LRP1B: variants seen among roughly 807,000 people sequenced by gnomAD.
LRP1B encodes low-density lipoprotein receptor-related protein 1B.
Under a neutral mutation model 556.6 loss-of-function variants are expected in LRP1B, and 217 were observed. That is an observed-to-expected ratio of 0.39 (90% CI 0.35 to 0.44). The LOEUF (loss-of-function observed/expected upper bound fraction) is 0.44, where lower values mean the gene tolerates loss of function less well. LRP1B is among the 20% of genes least tolerant of loss of function. The pLI is 1.00. For missense variants in LRP1B, 5,053 were observed against 5,620.8 expected, an observed-to-expected ratio of 0.90 and a Z score of 3.23; for synonymous variants, 2,047 against 1,865.8, an observed-to-expected ratio of 1.10 and a Z score of -2.50.
chr2:140,790,263 CT>C (rs1229450240), intron 32 of LRP1B, among the ~76,000 whole-genome samples: 2 of 151,956 alleles, frequency 1.3e-5, no homozygotes, highest in Admixed American at 6.6e-5. Flanking sequence ...AAATTCTGGT[CT>C]GGAAAAAATT....
intron 2 of LRP1B, among the ~76,000 whole-genome samples, chr2:141,592,234 C>T (rs1388710215): frequency 6.6e-6 from 1 of 152,128 alleles, no homozygotes; most frequent in Non-Finnish European, 1.5e-5. Flanking sequence ...TCTGTTCAGG[C>T]TGCTAGAACA....
intron 7 of LRP1B, among the ~76,000 whole-genome samples, chr2:141,162,553 A>G (rs994822712): frequency 6.6e-6 from 1 of 152,072 alleles, no homozygotes; most frequent in African/African-American, 2.4e-5. Context: ...AGTGTATCAT[A>G]TCTTCTTCCA....
intron 1 of LRP1B, among the ~76,000 whole-genome samples, chr2:141,905,765 A>ATGTGTGTGTGTGTGTGTGTGTGTG (rs56309590): frequency 1.0e-5 from 1 of 100,194 alleles, no homozygotes; most frequent in Non-Finnish European, 2.2e-5. Context: ...GTTTGAATAG[A>ATGTGTGTGTGTGTGTGTGTGTGTG]TGTGTGTGTG....
At chr2:141,898,495 T>A (rs969261789) in intron 1 of LRP1B, among the ~76,000 whole-genome samples, 1 of 152,174 alleles carries the variant, frequency 6.6e-6, no homozygotes, top group Non-Finnish European at 1.5e-5. Context: ...AATCAGTGAT[T>A]GATCTGACAC....
chr2:141,465,483 G>C (rs554345632), intron 3 of LRP1B, among the ~76,000 whole-genome samples: 8 of 151,654 alleles, frequency 5.3e-5, no homozygotes, highest in Non-Finnish European at 1.2e-4. Context: ...CTCCCCAGGA[G>C]CTATCCTTTA....
chr2:140,560,930 C>T (rs1680906574), intron 43 of LRP1B, among the ~76,000 whole-genome samples: 1 of 152,064 alleles, frequency 6.6e-6, no homozygotes, highest in South Asian at 2.1e-4. Context: ...ATTGTGTACA[C>T]ACAAAAAGAA....
At chr2:141,412,045 A>G (rs562177882) in intron 3 of LRP1B, among the ~76,000 whole-genome samples, 1 of 152,268 alleles carries the variant, frequency 6.6e-6, no homozygotes, top group Admixed American at 6.5e-5. Context: ...TTTACATTGC[A>G]TTGTGCTAAA....
At chr2:141,428,935 T>C (rs994937755) in intron 3 of LRP1B, among the ~76,000 whole-genome samples, 2 of 152,188 alleles carry the variant, frequency 1.3e-5, no homozygotes, top group African/African-American at 2.4e-5. Context: ...ATTAATAGTT[T>C]GGTATTTATA....
chr2:141,786,195 T>C (rs926539131), intron 2 of LRP1B, among the ~76,000 whole-genome samples: 5 of 151,992 alleles, frequency 3.3e-5, no homozygotes, highest in Admixed American at 2.0e-4. Context: ...GTGGCACTTA[T>C]GATGGCAACT....
Position 140,576,816 on chromosome 2 carries a change from ACTCACCTCATT to A in LRP1B, c.7194+21804_7194+21814del, listed in dbSNP as rs569260735. 4.9e-3 allele frequency among the ~76,000 whole-genome samples: 744 copies of A among 152,198 alleles called. 6 individuals carry two copies. The highest frequency in any genetic ancestry group is 0.017 in the African/African-American group (685 of 41,514). On this transcript the variant is annotated intron_variant, in intron 43 of 90. Transcript: ENST00000389484. Reference sequence around the variant, plus strand: ...TTCATTCTGATGGTTGCTATTTTATACTCACCTCATTCTATACTTCCAAAAGTAAACACATT... The same window carrying A: ...TTCATTCTGATGGTTGCTATTTTATACTATACTTCCAAAAGTAAACACATT...
intron 66 of LRP1B, among the ~76,000 whole-genome samples, chr2:140,426,586 A>T (rs1234920229): frequency 6.6e-6 from 1 of 152,102 alleles, no homozygotes; most frequent in Non-Finnish European, 1.5e-5. Context: ...AAGCTTCCCT[A>T]CTGAGCACCT....
Position 141,810,415 on chromosome 2 carries a change from T to C in LRP1B, c.83-14A>G, listed in dbSNP as rs1372727015. The stretch of plus-strand genomic sequence containing the variant: ...ACAACTGCTGATCTGAAAATGAAAA[T>C]GTTTCGAAATAAAATATGAATGATC... On this transcript the variant is annotated splice_polypyrimidine_tract_variant and intron_variant, in intron 1 of 90. Coordinates refer to ENST00000389484, the MANE Select transcript of LRP1B (RefSeq NM_018557.3). The C allele has an allele frequency of 6.2e-7, 1 of 1,611,728 alleles. No individual in the cohort carries two copies. The highest frequency in any genetic ancestry group is 2.2e-5 in the East Asian group (1 of 44,722).
At chr2:140,530,083 C>A (rs1288601238) in intron 47 of LRP1B, among the ~76,000 whole-genome samples, 1 of 152,108 alleles carries the variant, frequency 6.6e-6, no homozygotes, top group Non-Finnish European at 1.5e-5. Flanking sequence ...GTAATAATTA[C>A]TACTGACATC....
At chr2:140,735,336 C>A (rs750584201) in intron 35 of LRP1B, among the ~76,000 whole-genome samples, 4 of 152,120 alleles carry the variant, frequency 2.6e-5, no homozygotes, top group Non-Finnish European at 5.9e-5. Context: ...TGACACACTA[C>A]AGACAGATAA....
At chr2:141,703,337 AC>A (rs1235423610) in intron 2 of LRP1B, among the ~76,000 whole-genome samples, 1 of 151,940 alleles carries the variant, frequency 6.6e-6, no homozygotes, top group Non-Finnish European at 1.5e-5. Context: ...AAGCATAATT[AC>A]CTGAATTTTC....
At chr2:141,796,156 A>C (rs7425972) in intron 2 of LRP1B, among the ~76,000 whole-genome samples, 29,786 of 151,636 alleles carry the variant, frequency 0.2, 3,403 homozygotes, top group East Asian at 0.39. Context: ...ATCAGTCAAT[A>C]CCCAAAAGTT....
At position 140,604,266 on chromosome 2, in the gene LRP1B, C is replaced by T. The variant is rs548167183; in HGVS notation, c.6800-2627G>A. On this transcript the variant is annotated intron_variant, in intron 41 of 90. Coordinates refer to ENST00000389484, the MANE Select transcript of LRP1B (RefSeq NM_018557.3). ...AAAGAGTTTTCTTCCCTCTTACCCA[C>T]TTTTGAGCAGGGAATTGAGATTGGC... 1.8e-4 allele frequency among the ~76,000 whole-genome samples: 27 copies of T among 151,662 alleles called. 1 individual carries two copies. The East Asian group carries it at 5.2e-3, about 29-fold the overall frequency.
intron 2 of LRP1B, among the ~76,000 whole-genome samples, chr2:141,702,752 A>C (rs1368033081): frequency 6.6e-6 from 1 of 151,924 alleles, no homozygotes; most frequent in East Asian, 1.9e-4. Flanking sequence ...TGTGGAAATT[A>C]TTGTCCTAAC....
At chr2:141,647,578 CA>C (rs1689621476) in intron 2 of LRP1B, among the ~76,000 whole-genome samples, 1 of 152,170 alleles carries the variant, frequency 6.6e-6, no homozygotes, top group Admixed American at 6.6e-5. Context: ...CTATGACCCT[CA>C]ACTTCTATCT....
Sources: gnomAD v4.1 joint callset for allele counts (sites outside exome capture counted in the v4.1 genomes callset) on GRCh38, gnomAD v4.1.1 for gene constraint, MANE v1.5 for transcripts, NCBI Gene and HGNC (gene_info 2026-07-23, HGNC 2026-07-21) for gene names.